Variants in POLD3 observed in about 807,000 individuals in gnomAD.
POLD3 encodes DNA polymerase delta subunit 3.
In POLD3, 19 loss-of-function variants were observed where a neutral mutation model predicts 58.2. That is an observed-to-expected ratio of 0.33 (90% CI 0.23 to 0.48). The LOEUF is 0.48. Among genes scored for constraint, POLD3 ranks in the 20% least tolerant of loss-of-function variants. POLD3 has a pLI of 0.99. For missense variants in POLD3, 504 were observed against 545.5 expected (o/e 0.92, Z 0.76); for synonymous variants, 172 against 193.5 (o/e 0.89, Z 0.92).
rs1341382087 is a variant in POLD3, at chr11:74,640,747, G to A, written c.1382G>A (p.Gly461Asp). ...GCCAACAGACAGGTGTCCATTACTG[G>A]CTTCTTCCAGAGGAAATAAACTGCC... is the stretch of plus-strand genomic sequence containing the variant. ...GKANRQVSIT[G>D]FFQRK The change falls in exon 12 of 12, where the codon GGC becomes GAC. Residue 461 changes from glycine (G) to aspartate (D), a missense_variant. Around this residue, in one of 2 missense-constraint regions of POLD3, gnomAD observed 385 missense variants for 370.5 expected, o/e 1.04. Coordinates refer to ENST00000263681, the MANE Select transcript of POLD3 (RefSeq NM_006591.3). 1 of 1,594,904 alleles carries A rather than the reference G, an allele frequency of 6.3e-7. No homozygotes were observed.
At chr11:74,608,933 T>A (rs1166670638) in intron 3 of POLD3, among the ~76,000 whole-genome samples, 2 of 152,202 alleles carry the variant, frequency 1.3e-5, no homozygotes, top group African/African-American at 4.8e-5. Flanking sequence ...ACATTAATAA[T>A]CCCAGCTCAA....
chr11:74,638,517 T>C, intron 11 of POLD3: 1 of 416,718 alleles, frequency 2.4e-6, no homozygotes, highest in South Asian at 1.8e-5. Flanking sequence ...TAGAAAGTAA[T>C]TTCCTTTCTG....
In POLD3 at chr11:74,593,523, G is replaced by A. The variant is rs370848549; in HGVS notation, c.61-538G>A. On this transcript the variant is annotated intron_variant, in intron 1 of 11. Coordinates refer to ENST00000263681, the MANE Select transcript of POLD3 (RefSeq NM_006591.3). ...GAGACTTTGAGAGAAGAGAGTGCAG[G>A]CATCCTGGGTCTAGGAGGGATGAAG... Among the ~76,000 whole-genome samples the A allele has an allele frequency of 3.3e-5, 5 of 152,322 alleles. No homozygotes were observed. In the East Asian group the frequency reaches 5.8e-4, roughly 18 times the overall value.
chr11:74,599,630 G>T (rs1054661490), intron 2 of POLD3, among the ~76,000 whole-genome samples: 1 of 152,024 alleles, frequency 6.6e-6, no homozygotes, highest in Admixed American at 6.6e-5. Flanking sequence ...CCAAAGTGCT[G>T]GGAGTACAGG....
chr11:74,592,742 G>C, intron 1 of POLD3, 24 bp downstream of exon 1: 1 of 1,613,458 alleles, frequency 6.2e-7, no homozygotes, highest in Non-Finnish European at 8.5e-7. Context: ...ACTGGGGAAC[G>C]CGGGCGTGCG....
chr11:74,603,653 G>T lies in POLD3; in HGVS notation c.117-1039G>T, dbSNP rs71465928. Among the ~76,000 whole-genome samples, 255 of 152,228 alleles carry T rather than the reference G, an allele frequency of 1.7e-3. 1 individual carries two copies. The highest frequency in any genetic ancestry group is 6.8e-3 in the Middle Eastern group (2 of 294). The stretch of plus-strand genomic sequence containing the variant: ...TTAAGGAAAGGGAGGAGGTAGAGAA[G>T]TCTCTTCAGAAAGTAAAGCAGAAGC... On this transcript the variant is annotated intron_variant, in intron 2 of 11. Coordinates refer to ENST00000263681, the MANE Select transcript of POLD3 (RefSeq NM_006591.3).
chr11:74,611,672 T>C, intron 4 of POLD3, 134 bp downstream of exon 4: 1 of 611,192 alleles, frequency 1.6e-6, no homozygotes, highest in Non-Finnish European at 2.9e-6. Flanking sequence ...ATTTTATGAG[T>C]AGTTTTTAAA....
chr11:74,622,889 G>A (rs559715217), intron 7 of POLD3, among the ~76,000 whole-genome samples: 72 of 152,296 alleles, frequency 4.7e-4, no homozygotes, highest in African/African-American at 1.6e-3. Flanking sequence ...TGTACAAGAT[G>A]TTCATAGCAG....
intron 11 of POLD3, among the ~76,000 whole-genome samples, chr11:74,637,965 T>C (rs1006139399): frequency 6.6e-6 from 1 of 152,148 alleles, no homozygotes; most frequent in Admixed American, 6.5e-5. Context: ...TCAGATTTGT[T>C]CTATGGGTTT....
At chr11:74,610,975 A>G (rs1163401654) in intron 3 of POLD3, among the ~76,000 whole-genome samples, 4 of 152,032 alleles carry the variant, frequency 2.6e-5, no homozygotes, top group Non-Finnish European at 5.9e-5. Flanking sequence ...GGGTCTCACC[A>G]TGTTGGCCAG....
intron 9 of POLD3, 87 bp downstream of exon 9, chr11:74,629,410 C>CAAT: frequency 1.4e-6 from 1 of 691,692 alleles, no homozygotes; most frequent in South Asian, 1.8e-5. Context: ...TTAAGGATCA[C>CAAT]AATGAGAGTA....
chr11:74,608,410 G>A (rs908325767), intron 3 of POLD3, among the ~76,000 whole-genome samples: 6 of 151,960 alleles, frequency 3.9e-5, no homozygotes, highest in Non-Finnish European at 7.4e-5. Flanking sequence ...CATGAACCAC[G>A]GCACCTGGCC....
Position 74,634,597 on chromosome 11 carries a change from C to A in POLD3, c.1021C>A (p.Pro341Thr). The A allele has an allele frequency of 1.2e-6, 2 of 1,602,200 alleles. No homozygotes were observed. The highest frequency in any genetic ancestry group is 2.2e-5 in the South Asian group (2 of 90,840). ...CATTATTTCAGTCTTTCCAGACTCT[C>A]CTGGGGCTTATGAAGCTGAGTCACC... ...SSEDEVFPDS[P>T]GAYEAESPSP... Residue 341 changes from proline to threonine, a missense_variant, in exon 10 of 12, where the codon CCT becomes ACT. Coordinates refer to ENST00000263681, the MANE Select transcript of POLD3 (RefSeq NM_006591.3).
At position 74,638,267 on chromosome 11, in the gene POLD3, C is replaced by A. The variant is rs149357630; in HGVS notation, c.1198+1992C>A. Among the ~76,000 whole-genome samples, 1,208 of 151,992 alleles carry A rather than the reference C, an allele frequency of 7.9e-3. 15 individuals are homozygous for A. Among genetic ancestry groups the A allele is most frequent in the African/African-American group, 0.028 (1,169 of 41,448 alleles). Reference sequence around the variant, plus strand: ...CTACAGCTTTGAATATAGAAATATTCCTTTTAGTTCTTACAGTATACTGAA... The same window carrying A: ...CTACAGCTTTGAATATAGAAATATTACTTTTAGTTCTTACAGTATACTGAA... On this transcript the variant is annotated intron_variant, in intron 11 of 11. Coordinates refer to ENST00000263681, the MANE Select transcript of POLD3 (RefSeq NM_006591.3).
At chr11:74,655,983 G>A (rs942867182) in intron 4 of POLD3, among the ~76,000 whole-genome samples, 2 of 152,152 alleles carry the variant, frequency 1.3e-5, no homozygotes, top group African/African-American at 2.4e-5. Context: ...ATTTAGTAAC[G>A]TGACAGGATA....
intron 1 of POLD3, among the ~76,000 whole-genome samples, chr11:74,593,743 C>T (rs2031120168): frequency 6.6e-6 from 1 of 151,316 alleles, no homozygotes; most frequent in South Asian, 2.1e-4. Context: ...TGGTGGCCCC[C>T]AAAAAAAACA....
rs572105600 is a variant in POLD3, at chr11:74,636,230, C to T, written c.1153C>T (p.Arg385Cys). ...TGGAGAAAACAAAAGAAAACGAAAA[C>T]GCGTACTAAAATCTAAAACTTACCT... is the stretch of plus-strand genomic sequence containing the variant. ...SSGENKRKRK[R>C]VLKSKTYLDG... The change falls in exon 11 of 12, where the codon CGC becomes TGC. Residue 385 changes from arginine to cysteine, a missense_variant. By Grantham distance (180) the Arg-to-Cys change is radical. Transcript: ENST00000263681. 21 of 1,609,938 alleles carry T rather than the reference C, an allele frequency of 1.3e-5. No homozygotes were observed. Among genetic ancestry groups the T allele is most frequent in the African/African-American group, 6.7e-5 (5 of 74,788 alleles).
chr11:74,641,105 G>T lies in POLD3; in HGVS notation c.*339G>T. On this transcript the variant is annotated 3_prime_UTR_variant, in exon 12 of 12. Coordinates refer to ENST00000263681, the MANE Select transcript of POLD3 (RefSeq NM_006591.3). Reference sequence around the variant, plus strand: ...ACCCACTGTGCTCCACTCACCCTATGCCCTGGTCCGCATATGGCACAGGAA... The same window carrying T: ...ACCCACTGTGCTCCACTCACCCTATTCCCTGGTCCGCATATGGCACAGGAA... 1 of 1,010,228 alleles carries T rather than the reference G, an allele frequency of 9.9e-7. No individual in the cohort carries two copies. Among genetic ancestry groups the T allele is most frequent in the Non-Finnish European group, 1.2e-6 (1 of 846,736 alleles). The allele number at this position is 1,010,228 out of a possible 1,614,324, so 62.6% of individuals were successfully genotyped here.
chr11:74,651,092 G>A (rs1047491803), intron 4 of POLD3, among the ~76,000 whole-genome samples: 1 of 152,154 alleles, frequency 6.6e-6, no homozygotes, highest in Non-Finnish European at 1.5e-5. Flanking sequence ...TCTGCTAATT[G>A]TGTATCTGTT....
Sources: allele counts gnomAD v4.1 joint callset (sites outside exome capture counted in the v4.1 genomes callset), GRCh38; gene constraint gnomAD v4.1.1; regional missense constraint gnomAD v4.1.1; transcripts MANE v1.5; gene names NCBI Gene and HGNC (gene_info 2026-07-23, HGNC 2026-07-21).